Variants in C9 observed in about 807,000 individuals in gnomAD.
The protein encoded by C9 is complement component C9.
In C9, 63 loss-of-function variants were observed where a neutral mutation model predicts 65.4. The observed-to-expected ratio is 0.96, with a 90% CI of 0.79 to 1.19. The LOEUF (loss-of-function observed/expected upper bound fraction) is 1.19. Among genes scored for constraint, C9 ranks in the 50% most tolerant of loss-of-function variants. The pLI is 0.00. For synonymous variants in C9, 229 were observed against 227.9 expected (o/e 1.00, Z -0.04); for missense variants, 744 against 670.1 (o/e 1.11, Z -1.22).
At chr5:39,345,139 T>G (rs1324841129) in intron 1 of C9, among the ~76,000 whole-genome samples, 2 of 152,132 alleles carry the variant, frequency 1.3e-5, no homozygotes, top group Non-Finnish European at 2.9e-5. Flanking sequence ...CCAGCTATCA[T>G]CATAATGACA....
intron 5 of C9, among the ~76,000 whole-genome samples, chr5:39,321,061 A>G (rs915211216): frequency 6.6e-6 from 1 of 152,086 alleles, no homozygotes; most frequent in Non-Finnish European, 1.5e-5. Context: ...AAGAATGATA[A>G]TTCATAACAT....
rs1754082827 is a variant in C9, at chr5:39,341,552, T to C, written c.328+4A>G. 1 of 1,613,742 alleles carries C rather than the reference T, an allele frequency of 6.2e-7. No homozygotes were observed. ...ACAATGAGCAATTCAAGCACAAAGA[T>C]TACCTGTACTGCATTGAAAGTCATT... On this transcript the variant is annotated splice_donor_region_variant and intron_variant, in intron 3 of 10. Transcript: ENST00000263408.
intron 1 of C9, among the ~76,000 whole-genome samples, chr5:39,363,522 A>C (rs1754558076): frequency 6.6e-6 from 1 of 152,236 alleles, no homozygotes; most frequent in Admixed American, 6.5e-5. Flanking sequence ...GTCTGAGCAG[A>C]GGAACAGGGC....
At chr5:39,290,232 G>T (rs776612930) in intron 9 of C9, among the ~76,000 whole-genome samples, 1 of 151,800 alleles carries the variant, frequency 6.6e-6, no homozygotes, top group Admixed American at 6.6e-5. Context: ...TGTGCAGCTT[G>T]ATGATCATAG....
chr5:39,323,023 G>A (rs956421320), intron 5 of C9, among the ~76,000 whole-genome samples: 3 of 151,898 alleles, frequency 2.0e-5, no homozygotes, highest in African/African-American at 4.8e-5. Context: ...ATAAACATAA[G>A]ATATTACTGT....
At chr5:39,345,760 A>C (rs1754180126) in intron 1 of C9, among the ~76,000 whole-genome samples, 1 of 152,228 alleles carries the variant, frequency 6.6e-6, no homozygotes, top group East Asian at 1.9e-4. Context: ...ATTTGACGAC[A>C]CAGTTGGAAG....
chr5:39,297,755 T>C (rs1753211032), intron 9 of C9, among the ~76,000 whole-genome samples: 1 of 151,558 alleles, frequency 6.6e-6, no homozygotes, highest in African/African-American at 2.4e-5. Context: ...ATAATAAATA[T>C]ACCTAGACAT....
At chr5:39,341,487 T>C in intron 3 of C9, 69 bp downstream of exon 3, 1 of 1,373,836 alleles carries the variant, frequency 7.3e-7, no homozygotes, top group Non-Finnish European at 1.0e-6. Flanking sequence ...AAGCATATGC[T>C]TTTTTTTTTC....
At chr5:39,342,539 C>A (rs762425978) in intron 1 of C9, among the ~76,000 whole-genome samples, 2 of 152,156 alleles carry the variant, frequency 1.3e-5, no homozygotes, top group East Asian at 3.8e-4. Flanking sequence ...CATAATGAAG[C>A]CAGAAATCTG....
At chr5:39,308,468 A>G (rs1579848094) in intron 7 of C9, 110 bp from the exon 8 acceptor site, 1 of 782,614 alleles carries the variant, frequency 1.3e-6, no homozygotes, top group Non-Finnish European at 2.2e-6. Flanking sequence ...CCTATACACC[A>G]TGACTAAATT....
rs114167005 is a variant in C9, at chr5:39,296,964, C to A, written c.1417-8013G>T. Among the ~76,000 whole-genome samples the A allele has an allele frequency of 9.0e-3, 1,356 of 151,232 alleles. 9 individuals are homozygous for A. The highest frequency in any genetic ancestry group is 0.031 in the African/African-American group (1,280 of 41,392). On this transcript the variant is annotated intron_variant, in intron 9 of 10. Coordinates refer to ENST00000263408, the MANE Select transcript of C9 (RefSeq NM_001737.5). Reference sequence around the variant, plus strand: ...TAGGGGAAAGACAATACAATAAAGGCCATATATGACAAAACCACAGCCAAC... The same window carrying A: ...TAGGGGAAAGACAATACAATAAAGGACATATATGACAAAACCACAGCCAAC...
At position 39,334,426 on chromosome 5, in the gene C9, G is replaced by A. The variant is rs552697349; in HGVS notation, c.477-2612C>T. Reference sequence around the variant, plus strand: ...AGCCCCTCCGCCCGGCAGCCGCCCCGTCTGAGAAGTGAGGAGCCCCTCCGC... The same window carrying A: ...AGCCCCTCCGCCCGGCAGCCGCCCCATCTGAGAAGTGAGGAGCCCCTCCGC... On this transcript the variant is annotated intron_variant, in intron 4 of 10. Transcript: ENST00000263408. Among the ~76,000 whole-genome samples the A allele has an allele frequency of 2.3e-3, 335 of 147,958 alleles. 1 individual carries two copies. Among genetic ancestry groups the A allele is most frequent in the Non-Finnish European group, 3.5e-3 (236 of 67,292 alleles).
At chr5:39,344,315 A>G (rs1445697828) in intron 1 of C9, among the ~76,000 whole-genome samples, 1 of 152,258 alleles carries the variant, frequency 6.6e-6, no homozygotes, top group Non-Finnish European at 1.5e-5. Context: ...ACCACTGTAG[A>G]GAAGTCCTTA....
At chr5:39,341,485 G>T (rs990307488) in intron 3 of C9, 71 bp downstream of exon 3, 9 of 1,531,502 alleles carry the variant, frequency 5.9e-6, no homozygotes, top group Non-Finnish European at 8.1e-6. Flanking sequence ...AGAAGCATAT[G>T]CTTTTTTTTT....
chr5:39,293,343 T>C (rs1326640188), intron 9 of C9, among the ~76,000 whole-genome samples: 1 of 151,710 alleles, frequency 6.6e-6, no homozygotes, highest in Non-Finnish European at 1.5e-5. Flanking sequence ...AAGACATACA[T>C]AGATGGGATG....
At chr5:39,341,783 C>A (rs1182377086) in intron 2 of C9, 83 bp from the exon 3 acceptor site, 5 of 1,225,114 alleles carry the variant, frequency 4.1e-6, no homozygotes, top group Non-Finnish European at 6.0e-6. Context: ...ACAACTATAT[C>A]CCTGCAATGA....
rs185585392 is a variant in C9 at position 39,343,744 on chromosome 5, C to A, written c.78-1548G>T. Among the ~76,000 whole-genome samples the A allele has an allele frequency of 1.4e-3, 206 of 152,330 alleles. 1 individual carries two copies. Among genetic ancestry groups the A allele is most frequent in the African/African-American group, 4.5e-3 (189 of 41,590 alleles). On this transcript the variant is annotated intron_variant, in intron 1 of 10. Transcript: ENST00000263408. ...CTGCCTCCTCAAGTGGGACCCTGAT[C>A]CCCAAGTAGCCTAACTGGGAGGCAC...
chr5:39,291,499 T>G (rs955939020), intron 9 of C9, among the ~76,000 whole-genome samples: 1 of 151,654 alleles, frequency 6.6e-6, no homozygotes, highest in East Asian at 1.9e-4. Flanking sequence ...ACAGAATAAA[T>G]AAGAAGCAAT....
chr5:39,297,823 G>A (rs146758810), intron 9 of C9, among the ~76,000 whole-genome samples: 1,755 of 151,694 alleles, frequency 0.012, 23 homozygotes, highest in Middle Eastern at 0.054. Context: ...GAAGTCCTGG[G>A]CTGTGCTATC....
Sources: allele counts gnomAD v4.1 joint callset (sites outside exome capture counted in the v4.1 genomes callset), GRCh38; gene constraint gnomAD v4.1.1; transcripts MANE v1.5; gene names NCBI Gene and HGNC (gene_info 2026-07-23, HGNC 2026-07-21).